The following CLDN1 variants were observed in gnomAD, a reference collection of about 807,000 sequenced individuals.
CLDN1 encodes the protein claudin 1, also known as claudin-1.
In CLDN1, 12 loss-of-function variants were observed where a neutral mutation model predicts 22.6. The ratio of observed to expected loss-of-function variants is 0.53; its 90% CI spans 0.34 to 0.86. The LOEUF (loss-of-function observed/expected upper bound fraction) is 0.86. Ranked by LOEUF, CLDN1 falls within the 40% of genes least tolerant of loss-of-function variation. CLDN1 has a pLI of 0.02. For synonymous variants in CLDN1, 99 were observed against 103.8 expected (o/e 0.95, Z 0.28); for missense variants, 250 against 269.5 (o/e 0.93, Z 0.51).
chr3:190,308,281 A>T lies in CLDN1; in HGVS notation c.632T>A (p.Val211Glu), dbSNP rs781098484. ...KPAPSSGKDY[V>E] Reference sequence around the variant, plus strand: ...TTTTCTCCTTTTGCCTCTGTGTCACACGTAGTCTTTCCCGCTGGAAGGTGC... The same window carrying T: ...TTTTCTCCTTTTGCCTCTGTGTCACTCGTAGTCTTTCCCGCTGGAAGGTGC... The change falls in exon 4 of 4, where the codon GTG becomes GAG. Residue 211 changes from valine (V) to glutamate (E), a missense_variant. Physicochemically the swap from Val to Glu is moderately radical, Grantham distance 121. Transcript: ENST00000295522. The T allele has an allele frequency of 6.2e-7, 1 of 1,613,644 alleles. No individual in the cohort carries two copies. Among genetic ancestry groups the T allele is most frequent in the Non-Finnish European group, 8.5e-7 (1 of 1,179,810 alleles).
Position 190,308,228 on chromosome 3 carries a change from T to C in CLDN1, c.*49A>G. ...CCTAATGTTAATGATAGTATCTCAA[T>C]GTCCATTTTCGGTTTGTTTCAACAT... On this transcript the variant is annotated 3_prime_UTR_variant, in exon 4 of 4. Coordinates refer to ENST00000295522, the MANE Select transcript of CLDN1 (RefSeq NM_021101.5). The C allele has an allele frequency of 1.2e-6, 2 of 1,601,850 alleles. No homozygotes were observed. The highest frequency in any genetic ancestry group is 1.1e-5 in the South Asian group (1 of 90,694).
At chr3:190,311,955 TTTTTTC>T (rs1049899207) in intron 2 of CLDN1, among the ~76,000 whole-genome samples, 2 of 2,168 alleles carry the variant, frequency 9.2e-4, no homozygotes, top group African/African-American at 4.8e-3. Flanking sequence ...TTTTCTTTTC[TTTTTTC>T]TTTTTTTTTT....
At chr3:190,321,789 A>G (rs1716928306) in intron 1 of CLDN1, among the ~76,000 whole-genome samples, 195 bp downstream of exon 1, 1 of 152,164 alleles carries the variant, frequency 6.6e-6, no homozygotes, top group Admixed American at 6.5e-5. Flanking sequence ...TAGAGGCAAA[A>G]CTAGAGCTTA....
rs1348488488 is a variant in CLDN1, at chr3:190,306,887, G to C, written c.*1390C>G. Reference sequence around the variant, plus strand: ...GAAATAGACTGGTAGAGAGAGGAAGGCACTGAACCACATGAAGGTATGTGT... The same window carrying C: ...GAAATAGACTGGTAGAGAGAGGAAGCCACTGAACCACATGAAGGTATGTGT... On this transcript the variant is annotated 3_prime_UTR_variant, in exon 4 of 4. Transcript: ENST00000295522. 1 of 152,686 alleles carries C rather than the reference G, an allele frequency of 6.5e-6. No individual in the cohort carries two copies. The highest frequency in any genetic ancestry group is 6.5e-5 in the Admixed American group (1 of 15,272). 9.5% of individuals were successfully genotyped at this position (152,686 alleles called of 1,614,324 possible).
chr3:190,321,661 T>C (rs1396435919), intron 1 of CLDN1, among the ~76,000 whole-genome samples: 1 of 152,174 alleles, frequency 6.6e-6, no homozygotes, highest in Admixed American at 6.5e-5. Flanking sequence ...TCGGAATGCC[T>C]AGGAGAGGTC....
intron 2 of CLDN1, among the ~76,000 whole-genome samples, chr3:190,312,147 T>A (rs1021042727): frequency 6.6e-6 from 1 of 151,714 alleles, no homozygotes; most frequent in Non-Finnish European, 1.5e-5. Flanking sequence ...GCCAGGCTGG[T>A]CTTGAACTCA....
chr3:190,318,887 T>A (rs1716839800), intron 1 of CLDN1, among the ~76,000 whole-genome samples: 1 of 152,078 alleles, frequency 6.6e-6, no homozygotes, highest in African/African-American at 2.4e-5. Context: ...CCACCAATAC[T>A]CATTAAGCAC....
chr3:190,308,438 A>G lies in CLDN1; in HGVS notation c.475T>C (p.Tyr159His), dbSNP rs754660555. ...YDPMTPVNARYEFGQALFTGW... is the reference protein window; with the variant it reads ...YDPMTPVNARHEFGQALFTGW... ...GTGAAGAGAGCCTGACCAAATTCGT[A>G]CCTAAAAGGAAAAACCCATGTGCTT... The change falls in exon 4 of 4, where the codon TAC (tyrosine) becomes CAC (histidine). Residue 159 changes from tyrosine (Y) to histidine (H), a missense_variant and splice_region_variant. Coordinates refer to ENST00000295522, the MANE Select transcript of CLDN1 (RefSeq NM_021101.5). 3.7e-6 allele frequency: 6 copies of G among 1,613,516 alleles called. No individual in the cohort carries two copies. Among genetic ancestry groups the G allele is most frequent in the South Asian group, 1.1e-5 (1 of 91,066 alleles).
Position 190,309,343 on chromosome 3 carries a change from G to A in CLDN1, c.473+826C>T, listed in dbSNP as rs143408586. Among the ~76,000 whole-genome samples, 518 of 152,272 alleles carry A rather than the reference G, an allele frequency of 3.4e-3. 1 individual carries two copies. The highest frequency in any genetic ancestry group is 0.012 in the African/African-American group (489 of 41,542). On this transcript the variant is annotated intron_variant, in intron 3 of 3. Coordinates refer to ENST00000295522, the MANE Select transcript of CLDN1 (RefSeq NM_021101.5). Reference sequence around the variant, plus strand: ...TCTATTCTTACACTGTAAATCTTATGGGATGGGCTCCAACACAACCATTGC... The same window carrying A: ...TCTATTCTTACACTGTAAATCTTATAGGATGGGCTCCAACACAACCATTGC...
At chr3:190,313,212 G>C in intron 1 of CLDN1, 176 bp from the exon 2 acceptor site, 1 of 626,252 alleles carries the variant, frequency 1.6e-6, no homozygotes, top group South Asian at 2.0e-5. Context: ...ATCTTCTCCA[G>C]AAAAACAAAT....
chr3:190,322,028 C>G lies in CLDN1; in HGVS notation c.179G>C (p.Gly60Ala). The G allele has an allele frequency of 1.2e-6, 2 of 1,614,204 alleles. No homozygotes were observed. The highest frequency in any genetic ancestry group is 1.7e-6 in the Non-Finnish European group (2 of 1,180,046). Residue 60 changes from glycine (G) to alanine (A), a missense_variant, in exon 1 of 4, where the codon GGG becomes GCG. Coordinates refer to ENST00000295522, the MANE Select transcript of CLDN1 (RefSeq NM_021101.5). ...GTCAAAGACTTTGCACTGGATCTGCCCGGTGCTCTGCGACACGCAGGACAT... is the reference window on the plus strand; with the variant it reads ...GTCAAAGACTTTGCACTGGATCTGCGCGGTGCTCTGCGACACGCAGGACAT... ...LWMSCVSQST[G>A]QIQCKVFDSL...
rs549649926 is a variant in CLDN1 at position 190,306,312 on chromosome 3, T to A, written c.*1965A>T. ...AAGATAAGACTTCCTCAGAATCTTA[T>A]TTGTTTAGTGCACTCAATTTTACTT... On this transcript the variant is annotated 3_prime_UTR_variant, in exon 4 of 4. Transcript: ENST00000295522. The A allele has an allele frequency of 6.6e-6, 1 of 152,242 alleles. No homozygotes were observed. Among genetic ancestry groups the A allele is most frequent in the African/African-American group, 2.4e-5 (1 of 41,472 alleles). The allele number at this position is 152,242 out of a possible 1,614,324, so 9.4% of individuals were successfully genotyped here.
rs1246278373 is a variant in CLDN1 at position 190,306,954 on chromosome 3, G to A, written c.*1323C>T. The A allele has an allele frequency of 2.6e-5, 4 of 152,662 alleles. No homozygotes were observed. The East Asian group carries it at 7.7e-4, about 29-fold the overall frequency. The allele number at this position is 152,662 out of a possible 1,614,324, so 9.5% of individuals were successfully genotyped here. On this transcript the variant is annotated 3_prime_UTR_variant, in exon 4 of 4. Transcript: ENST00000295522. ...GGAAATAGACTGGTAGAGAGAGGAA[G>A]GCAGTGAATCACATGAAGGTACGTG...
At chr3:190,314,514 C>A (rs1220730579) in intron 1 of CLDN1, among the ~76,000 whole-genome samples, 1 of 151,978 alleles carries the variant, frequency 6.6e-6, no homozygotes, top group Non-Finnish European at 1.5e-5. Context: ...CATCCCACAG[C>A]CTCCTGAGTA....
intron 3 of CLDN1, among the ~76,000 whole-genome samples, chr3:190,308,995 C>G (rs190506697): frequency 1.6e-4 from 24 of 152,194 alleles, no homozygotes; most frequent in African/African-American, 5.5e-4. Flanking sequence ...AAAGCAGACA[C>G]TTAGGGTGGG....
chr3:190,320,968 C>T (rs893052), intron 1 of CLDN1, among the ~76,000 whole-genome samples: 1 of 131,800 alleles, frequency 7.6e-6, no homozygotes, highest in African/African-American at 2.8e-5. Flanking sequence ...ATTTAAAAAA[C>T]AAAGTAAAAC....
Position 190,322,173 on chromosome 3 carries a change from T to C in CLDN1, c.34A>G (p.Ile12Val), listed in dbSNP as rs370118299. 1.2e-6 allele frequency: 2 copies of C among 1,613,940 alleles called. No individual in the cohort carries two copies. Among genetic ancestry groups the C allele is most frequent in the Non-Finnish European group, 1.7e-6 (2 of 1,180,050 alleles). Residue 12 changes from isoleucine to valine, a missense_variant, in exon 1 of 4, where the codon ATT becomes GTT. Physicochemically the swap from Ile to Val is conservative, Grantham distance 29 (BLOSUM62 3). Transcript: ENST00000295522. ...CCGATCCATCCCAGGAAGGCGAGAA[T>C]GAAGCCCAACAGCTGCAGCCCCGCG... ...ANAGLQLLGF[I>V]LAFLGWIGAI...
At chr3:190,313,568 T>G (rs1234161708) in intron 1 of CLDN1, among the ~76,000 whole-genome samples, 2 of 152,230 alleles carry the variant, frequency 1.3e-5, no homozygotes, top group Non-Finnish European at 2.9e-5. Flanking sequence ...CATGGCTGGA[T>G]AAGCAGTATT....
chr3:190,316,985 T>C (rs1045921216), intron 1 of CLDN1, among the ~76,000 whole-genome samples: 1 of 152,208 alleles, frequency 6.6e-6, no homozygotes, highest in Non-Finnish European at 1.5e-5. Flanking sequence ...TTTTTTAAAG[T>C]ATGTATCTAA....
Sources: allele counts gnomAD v4.1 joint callset (sites outside exome capture counted in the v4.1 genomes callset), GRCh38; gene constraint gnomAD v4.1.1; transcripts MANE v1.5; gene names NCBI Gene and HGNC (gene_info 2026-07-23, HGNC 2026-07-21).